PRELID2: variants seen among roughly 807,000 people sequenced by gnomAD.
PRELID2 encodes PRELI domain containing 2.
In PRELID2, 25 loss-of-function variants were observed where a neutral mutation model predicts 28.4. The ratio of observed to expected loss-of-function variants is 0.88; its 90% CI spans 0.64 to 1.23. PRELID2 has a LOEUF of 1.23. PRELID2 is among the 50% of genes most tolerant of loss of function. The pLI, the probability that PRELID2 is intolerant of heterozygous loss-of-function variation, is 0.00. For missense variants in PRELID2, 201 were observed against 214.4 expected (o/e 0.94, Z 0.39); for synonymous variants, 76 against 71.6 (o/e 1.06, Z -0.31).
At chr5:145,613,293 T>G (rs1753647594) in intron 1 of PRELID2, among the ~76,000 whole-genome samples, 1 of 151,316 alleles carries the variant, frequency 6.6e-6, no homozygotes, top group Non-Finnish European at 1.5e-5. Flanking sequence ...TTTATTTTTA[T>G]TTATTTATTT....
At chr5:145,643,741 G>A (rs1051363871) in intron 1 of PRELID2, among the ~76,000 whole-genome samples, 9 of 151,974 alleles carry the variant, frequency 5.9e-5, no homozygotes, top group Non-Finnish European at 1.0e-4. Context: ...GAATTTTGTC[G>A]AAGACATTTT....
At chr5:145,574,028 G>A (rs984397691) in intron 1 of PRELID2, among the ~76,000 whole-genome samples, 2 of 152,196 alleles carry the variant, frequency 1.3e-5, no homozygotes, top group African/African-American at 4.8e-5. Flanking sequence ...TGGAATTAAT[G>A]TTATTAATCA....
chr5:145,271,402 G>A, the PRELID2 span, among the ~76,000 whole-genome samples: 1 of 152,064 alleles, frequency 6.6e-6, no homozygotes, highest in East Asian at 1.9e-4. Flanking sequence ...ACTTTGTAGA[G>A]ATGAGGTCTC....
intron 1 of PRELID2, among the ~76,000 whole-genome samples, chr5:145,630,674 A>G (rs1033592829): frequency 6.6e-6 from 1 of 152,170 alleles, no homozygotes; most frequent in African/African-American, 2.4e-5. Flanking sequence ...GAGTGAAAAG[A>G]GGTACTATTC....
the PRELID2 span, among the ~76,000 whole-genome samples, chr5:145,422,575 T>C: frequency 3.3e-5 from 5 of 152,156 alleles, no homozygotes; most frequent in African/African-American, 1.2e-4. Context: ...TTTTTTTGTT[T>C]TCCATTGGCT....
intron 1 of PRELID2, among the ~76,000 whole-genome samples, chr5:145,641,736 A>G (rs1452947038): frequency 6.6e-6 from 1 of 151,742 alleles, no homozygotes; most frequent in Non-Finnish European, 1.5e-5. Context: ...TCATTGTTCA[A>G]CTCCCACTTA....
intron 1 of PRELID2, among the ~76,000 whole-genome samples, chr5:145,831,364 C>T (rs1055744031): frequency 6.6e-6 from 1 of 152,196 alleles, no homozygotes; most frequent in Non-Finnish European, 1.5e-5. Context: ...GTCTCATTTG[C>T]TTTCCCCTAG....
chr5:145,253,540 G>A, the PRELID2 span, among the ~76,000 whole-genome samples: 1 of 151,944 alleles, frequency 6.6e-6, no homozygotes, highest in Non-Finnish European at 1.5e-5. Flanking sequence ...CTTCCCATAT[G>A]GAAATACAAA....
the PRELID2 span, among the ~76,000 whole-genome samples, chr5:145,346,306 A>G: frequency 6.6e-6 from 1 of 152,152 alleles, no homozygotes; most frequent in Non-Finnish European, 1.5e-5. Flanking sequence ...TGCAGTCAGC[A>G]TTTGGTGATC....
chr5:145,833,972 A>G (rs1755771724), intron 1 of PRELID2, among the ~76,000 whole-genome samples: 1 of 152,152 alleles, frequency 6.6e-6, no homozygotes, highest in Non-Finnish European at 1.5e-5. Flanking sequence ...ATAGAACCAG[A>G]TCAGAGTCCA....
chr5:145,742,757 A>C (rs1756871595), intron 1 of PRELID2, among the ~76,000 whole-genome samples: 1 of 151,450 alleles, frequency 6.6e-6, no homozygotes, highest in Non-Finnish European at 1.5e-5. Flanking sequence ...TAAGAGCAGA[A>C]ATCAATGAGA....
At chr5:145,311,072 G>C in the PRELID2 span, among the ~76,000 whole-genome samples, 1 of 152,174 alleles carries the variant, frequency 6.6e-6, no homozygotes, top group Admixed American at 6.5e-5. Context: ...CAGATGACAA[G>C]AAGGTGACAA....
the PRELID2 span, among the ~76,000 whole-genome samples, chr5:145,393,572 C>T: frequency 6.6e-6 from 1 of 152,146 alleles, no homozygotes; most frequent in Admixed American, 6.5e-5. Flanking sequence ...AAATGAATTG[C>T]AGAAACAGCT....
the PRELID2 span, among the ~76,000 whole-genome samples, chr5:145,422,175 G>C: frequency 1.4e-5 from 2 of 147,926 alleles, no homozygotes; most frequent in Non-Finnish European, 3.0e-5. Context: ...TTTTGGAATA[G>C]GTGTGGTGTG....
the PRELID2 span, among the ~76,000 whole-genome samples, chr5:145,428,111 A>C: frequency 6.6e-6 from 1 of 152,066 alleles, no homozygotes; most frequent in African/African-American, 2.4e-5. Context: ...GGTGCCTGCC[A>C]CCACACCTGG....
the PRELID2 span, among the ~76,000 whole-genome samples, chr5:145,298,810 A>G: frequency 6.6e-6 from 1 of 152,188 alleles, no homozygotes; most frequent in Non-Finnish European, 1.5e-5. Flanking sequence ...AGTATAGTAT[A>G]CATTTTAAAG....
At chr5:145,811,427 A>G (rs1384091719) in intron 4 of PRELID2, among the ~76,000 whole-genome samples, 1 of 152,116 alleles carries the variant, frequency 6.6e-6, no homozygotes, top group Non-Finnish European at 1.5e-5. Context: ...TAGCTGGACT[A>G]CGGGCATGTG....
chr5:145,392,573 G>T, the PRELID2 span, among the ~76,000 whole-genome samples: 3 of 152,232 alleles, frequency 2.0e-5, no homozygotes, highest in Non-Finnish European at 4.4e-5. Context: ...TAACAGAATT[G>T]CAGAGGACAC....
chr5:145,248,228 C>T, the PRELID2 span, among the ~76,000 whole-genome samples: 12,556 of 151,946 alleles, frequency 0.083, 1,125 homozygotes, highest in African/African-American at 0.23. Context: ...TCTTAACCCT[C>T]GTATATGTAT....
Sources: allele counts gnomAD v4.1 joint callset (sites outside exome capture counted in the v4.1 genomes callset), GRCh38; gene constraint gnomAD v4.1.1; transcripts MANE v1.5; gene names NCBI Gene and HGNC (gene_info 2026-07-23, HGNC 2026-07-21).